The following MID1IP1 variants were observed in gnomAD, a reference collection of about 807,000 sequenced individuals.
MID1IP1 encodes mid1-interacting protein 1.
In MID1IP1, 3 loss-of-function variants were observed where a neutral mutation model predicts 6.8. The observed-to-expected ratio is 0.44, with a 90% CI of 0.20 to 1.14. The LOEUF is 1.14. Among genes scored for constraint, MID1IP1 ranks in the 50% most tolerant of loss-of-function variants. The probability of loss-of-function intolerance (pLI) is 0.26; values close to 1 mark genes in which losing one functional copy is unlikely to be tolerated. For missense variants in MID1IP1, 127 were observed against 158.4 expected (o/e 0.80, Z 1.06); for synonymous variants, 87 against 70.4 (o/e 1.24, Z -1.18).
In MID1IP1 at chrX:38,806,242, C is replaced by T. The variant is rs1247285659; in HGVS notation, c.*744C>T. ...TAAGCTGGCATTTCGCCAGCTTGTA[C>T]GTAGCTTGCCACTCAGTGAAAATAA... On this transcript the variant is annotated 3_prime_UTR_variant, in exon 3 of 3. Transcript: ENST00000614558. 2.9e-5 allele frequency: 3 copies of T among 102,423 alleles called. No individual in the cohort carries two copies. The highest frequency in any genetic ancestry group is 6.3e-5 in the Non-Finnish European group (3 of 47,710). The allele number at this position is 102,423 out of a possible 1,213,427, so 8.4% of individuals were successfully genotyped here.
rs769803999 is a variant in MID1IP1, at chrX:38,805,304, G to T, written c.358G>T (p.Ala120Ser). ...PPPAGSEEGS[A>S]WKSKDILVDL... ...ACCGGCTGGGAGCGAGGAGGGCAGT[G>T]CCTGGAAGTCCAAGGACATCCTGGT... is the stretch of plus-strand genomic sequence containing the variant. Residue 120 changes from alanine (A) to serine (S), a missense_variant, in exon 3 of 3, where the codon GCC becomes TCC. Coordinates refer to ENST00000614558, the MANE Select transcript of MID1IP1 (RefSeq NM_021242.6). 16 of 1,203,677 alleles carry T rather than the reference G, an allele frequency of 1.3e-5. No homozygotes were observed. The highest frequency in any genetic ancestry group is 1.8e-5 in the Non-Finnish European group (16 of 892,221).
rs768586680 is a variant in MID1IP1 at position 38,806,385 on chromosome X, CT to C, written c.*894del. ...TTGTATGTCTTAAATTTATTTAAAA[CT>C]TTTTTTAATCCAGATGTAGACTATA... On this transcript the variant is annotated 3_prime_UTR_variant, in exon 3 of 3. Coordinates refer to ENST00000614558, the MANE Select transcript of MID1IP1 (RefSeq NM_021242.6). 8.0e-6 allele frequency: 1 copy of C among 124,766 alleles called. No homozygotes were observed. The allele number at this position is 124,766 out of a possible 1,213,427, so 10.3% of individuals were successfully genotyped here.
chrX:38,805,413 C>T lies in MID1IP1; in HGVS notation c.467C>T (p.Thr156Ile), dbSNP rs1159413332. The T allele has an allele frequency of 1.6e-5, 19 of 1,206,238 alleles. No individual in the cohort carries two copies. Among genetic ancestry groups the T allele is most frequent in the Non-Finnish European group, 2.1e-5 (19 of 894,410 alleles). The change falls in exon 3 of 3, where the codon ACT (threonine) becomes ATT (isoleucine). Residue 156 changes from threonine to isoleucine, a missense_variant. By Grantham distance (89) the Thr-to-Ile change is moderately conservative. Coordinates refer to ENST00000614558, the MANE Select transcript of MID1IP1 (RefSeq NM_021242.6). ...QFHYHLRGLHTVLSKLTRKAN... is the reference protein window; with the variant it reads ...QFHYHLRGLHIVLSKLTRKAN... ...CACTACCACCTGCGCGGGCTGCACACTGTGCTCTCGAAACTCACGCGCAAA... is the reference window on the plus strand; with the variant it reads ...CACTACCACCTGCGCGGGCTGCACATTGTGCTCTCGAAACTCACGCGCAAA...
Position 38,805,610 on chromosome X carries a change from A to ACTGGGGGG in MID1IP1, c.*116_*123dup. On this transcript the variant is annotated 3_prime_UTR_variant, in exon 3 of 3. Coordinates refer to ENST00000614558, the MANE Select transcript of MID1IP1 (RefSeq NM_021242.6). Reference sequence around the variant, plus strand: ...GGGGGGCGGGAAGGGCAGACTGCAAACTGGGGGGCTGCGTACGTGCAGGAG... The same window carrying ACTGGGGGG: ...GGGGGGCGGGAAGGGCAGACTGCAAACTGGGGGGCTGGGGGGCTGCGTACGTGCAGGAG... 1 of 563,537 alleles carries ACTGGGGGG rather than the reference A, an allele frequency of 1.8e-6. No individual in the cohort carries two copies. The highest frequency in any genetic ancestry group is 2.6e-6 in the Non-Finnish European group (1 of 382,031). 46.4% of individuals were successfully genotyped at this position (563,537 alleles called of 1,213,427 possible). A position where few individuals can be genotyped will look rare whatever the true frequency, so the allele number is the denominator to read the frequency against.
In MID1IP1 at chrX:38,805,125, G is replaced by A; in HGVS notation, c.179G>A (p.Gly60Asp). The A allele has an allele frequency of 8.3e-7, 1 of 1,208,459 alleles. No homozygotes were observed. The highest frequency in any genetic ancestry group is 1.7e-5 in the African/African-American group (1 of 57,810). The change falls in exon 3 of 3, where the codon GGC becomes GAC. Residue 60 changes from glycine (G) to aspartate (D), a missense_variant. By Grantham distance (94) the Gly-to-Asp change is moderately conservative. Coordinates refer to ENST00000614558, the MANE Select transcript of MID1IP1 (RefSeq NM_021242.6). ...NDVGVEVGGSGGCLEERTPPV... is the reference protein window; with the variant it reads ...NDVGVEVGGSDGCLEERTPPV... ...GTTGGCGTGGAGGTAGGCGGCAGTG[G>A]CGGCTGCCTGGAGGAGCGCACGCCC...
chrX:38,805,469 G>A lies in MID1IP1; in HGVS notation c.523G>A (p.Glu175Lys), dbSNP rs749537423. Residue 175 changes from glutamate (E) to lysine (K), a missense_variant, in exon 3 of 3, where the codon GAG becomes AAG. Glu to Lys is a moderately conservative substitution (Grantham distance 56). Coordinates refer to ENST00000614558, the MANE Select transcript of MID1IP1 (RefSeq NM_021242.6). ...ANILTNRYKQ[E>K]IGFGNWGH ...CATCCTCACTAACAGATACAAGCAG[G>A]AGATCGGCTTCGGCAATTGGGGCCA... The A allele has an allele frequency of 8.3e-7, 1 of 1,209,813 alleles. No homozygotes were observed. Among genetic ancestry groups the A allele is most frequent in the Non-Finnish European group, 1.1e-6 (1 of 895,195 alleles).
chrX:38,801,619 G>C (rs1003502471), intron 1 of MID1IP1, 132 bp downstream of exon 1: 5 of 111,251 alleles, frequency 4.5e-5, no homozygotes, highest in Non-Finnish European at 9.4e-5. Flanking sequence ...AAGAAACTGG[G>C]GGATGAAGGG....
At position 38,805,731 on chromosome X, in the gene MID1IP1, C is replaced by G. The variant is rs770437312; in HGVS notation, c.*233C>G. On this transcript the variant is annotated 3_prime_UTR_variant, in exon 3 of 3. Transcript: ENST00000614558. ...GCCCAAGGAACCTCCTGGGAGGGGG[C>G]CTGCATTCTATGTTGGTGGGAATGG... 4.5e-6 allele frequency: 2 copies of G among 442,754 alleles called. No homozygotes were observed. The highest frequency in any genetic ancestry group is 7.7e-5 in the East Asian group (2 of 25,941). The allele number at this position is 442,754 out of a possible 1,213,427, so 36.5% of individuals were successfully genotyped here. A position where few individuals can be genotyped will look rare whatever the true frequency, so the allele number is the denominator to read the frequency against.
At position 38,805,562 on chromosome X, in the gene MID1IP1, A is replaced by G; in HGVS notation, c.*64A>G. 1 of 978,638 alleles carries G rather than the reference A, an allele frequency of 1.0e-6. No homozygotes were observed. The highest frequency in any genetic ancestry group is 3.5e-5 in the East Asian group (1 of 28,970). 80.7% of individuals were successfully genotyped at this position (978,638 alleles called of 1,213,427 possible). On this transcript the variant is annotated 3_prime_UTR_variant, in exon 3 of 3. Transcript: ENST00000614558. Reference sequence around the variant, plus strand: ...CATCTCACCCTCTCTCATTCCTCAAAGCTTTTTTTTTTTTTCCTGGCTGGG... The same window carrying G: ...CATCTCACCCTCTCTCATTCCTCAAGGCTTTTTTTTTTTTTCCTGGCTGGG...
Position 38,805,962 on chromosome X carries a change from G to A in MID1IP1, c.*464G>A. The A allele has an allele frequency of 7.0e-6, 1 of 142,517 alleles. No individual in the cohort carries two copies. The allele number at this position is 142,517 out of a possible 1,213,427, so 11.7% of individuals were successfully genotyped here. On this transcript the variant is annotated 3_prime_UTR_variant, in exon 3 of 3. Coordinates refer to ENST00000614558, the MANE Select transcript of MID1IP1 (RefSeq NM_021242.6). ...CGGTTGGGCCGGTGGAGGCCCAGGC[G>A]TTGCTAGGATTGCATCAGTTTTCCT...
chrX:38,801,886 C>T (rs55963750), intron 1 of MID1IP1: 7,065 of 111,950 alleles, frequency 0.063, 258 homozygotes, highest in East Asian at 0.15. Flanking sequence ...ACTTAAAATA[C>T]CAAATGGGTC....
chrX:38,803,678 A>C lies in MID1IP1; in HGVS notation c.-1000A>C, dbSNP rs183757399. The C allele has an allele frequency of 0.027, 3,040 of 112,921 alleles. 41 individuals are homozygous for C. The highest frequency in any genetic ancestry group is 0.076 in the South Asian group (213 of 2,785). The allele number at this position is 112,921 out of a possible 1,213,427, so 9.3% of individuals were successfully genotyped here. A position where few individuals can be genotyped will look rare whatever the true frequency, so the allele number is the denominator to read the frequency against. ...GCGGGAGCACCGCGCGTCCACGTGC[A>C]CCCAGCATGCCCGGTCACCCTTTAT... On this transcript the variant is annotated 5_prime_UTR_variant, in exon 2 of 3. Coordinates refer to ENST00000614558, the MANE Select transcript of MID1IP1 (RefSeq NM_021242.6).
rs2070469467 is a variant in MID1IP1 at position 38,802,837 on chromosome X, C to T, written c.-1841C>T. On this transcript the variant is annotated 5_prime_UTR_variant, in exon 2 of 3. Transcript: ENST00000614558. ...CGATCTCGGCTCACTGCAACTCCGC[C>T]TCCTGGGTTCAAGCAATTCTCCTGC... 1 of 111,116 alleles carries T rather than the reference C, an allele frequency of 9.0e-6. No individual in the cohort carries two copies. The highest frequency in any genetic ancestry group is 3.8e-4 in the South Asian group (1 of 2,625). 9.2% of individuals were successfully genotyped at this position (111,116 alleles called of 1,213,427 possible).
Position 38,804,821 on chromosome X carries a change from C to G in MID1IP1, c.-126C>G, listed in dbSNP as rs2070497468. 4.2e-6 allele frequency: 3 copies of G among 708,335 alleles called. No homozygotes were observed. The African/African-American group carries it at 6.5e-5, about 15-fold the overall frequency. 58.4% of individuals were successfully genotyped at this position (708,335 alleles called of 1,213,427 possible). A position where few individuals can be genotyped will look rare whatever the true frequency, so the allele number is the denominator to read the frequency against. On this transcript the variant is annotated 5_prime_UTR_variant, in exon 3 of 3. Coordinates refer to ENST00000614558, the MANE Select transcript of MID1IP1 (RefSeq NM_021242.6). The stretch of plus-strand genomic sequence containing the variant: ...GGGCGGAGGAGTGCCGGGAATCCCG[C>G]CACACCGGCTATAGCCAGGCCCCCA...
At position 38,804,712 on chromosome X, in the gene MID1IP1, G is replaced by A; in HGVS notation, c.-235G>A. The A allele has an allele frequency of 2.5e-6, 1 of 398,597 alleles. No homozygotes were observed. Among genetic ancestry groups the A allele is most frequent in the Non-Finnish European group, 4.4e-6 (1 of 229,193 alleles). 32.8% of individuals were successfully genotyped at this position (398,597 alleles called of 1,213,427 possible). On this transcript the variant is annotated 5_prime_UTR_variant, in exon 3 of 3. Coordinates refer to ENST00000614558, the MANE Select transcript of MID1IP1 (RefSeq NM_021242.6). Reference sequence around the variant, plus strand: ...GGGCTCGACCCACAGAGCACCCTCAGCCATCGCGAGTTTCCGGGCGCCAAA... The same window carrying A: ...GGGCTCGACCCACAGAGCACCCTCAACCATCGCGAGTTTCCGGGCGCCAAA...
Position 38,803,060 on chromosome X carries a change from TA to T in MID1IP1, c.-1614del, listed in dbSNP as rs1254907288. On this transcript the variant is annotated 5_prime_UTR_variant, in exon 2 of 3. In the 5' UTR this introduces an upstream ATG that the reference lacks. Coordinates refer to ENST00000614558, the MANE Select transcript of MID1IP1 (RefSeq NM_021242.6). The stretch of plus-strand genomic sequence containing the variant: ...CCGTTTCAGGCCGAGAAAAGGGATT[TA>T]AAATGAGAAGCTTGAATCTTATTGA... The T allele has an allele frequency of 1.8e-5, 2 of 112,450 alleles. No homozygotes were observed. The highest frequency in any genetic ancestry group is 3.2e-5 in the African/African-American group (1 of 30,857). 9.3% of individuals were successfully genotyped at this position (112,450 alleles called of 1,213,427 possible).
In MID1IP1 at chrX:38,805,111, G is replaced by C. The variant is rs752953546; in HGVS notation, c.165G>C (p.Glu55Asp). The C allele has an allele frequency of 8.3e-7, 1 of 1,211,030 alleles. No individual in the cohort carries two copies. Among genetic ancestry groups the C allele is most frequent in the Admixed American group, 2.2e-5 (1 of 46,011 alleles). The change falls in exon 3 of 3, where the codon GAG (glutamate) becomes GAC (aspartate). Residue 55 changes from glutamate (E) to aspartate (D), a missense_variant. Transcript: ENST00000614558. ...DPGLDNDVGV[E>D]VGGSGGCLEE... ...GGTTAGACAACGATGTTGGCGTGGA[G>C]GTAGGCGGCAGTGGCGGCTGCCTGG...
rs1004201441 is a variant in MID1IP1 at position 38,805,617 on chromosome X, G to A, written c.*119G>A. ...GGGAAGGGCAGACTGCAAACTGGGG[G>A]GCTGCGTACGTGCAGGAGGCGCGGT... On this transcript the variant is annotated 3_prime_UTR_variant, in exon 3 of 3. Transcript: ENST00000614558. 1.0e-5 allele frequency: 7 copies of A among 674,581 alleles called. No homozygotes were observed. The highest frequency in any genetic ancestry group is 2.3e-5 in the African/African-American group (1 of 43,473). The allele number at this position is 674,581 out of a possible 1,213,427, so 55.6% of individuals were successfully genotyped here. A position where few individuals can be genotyped will look rare whatever the true frequency, so the allele number is the denominator to read the frequency against.
rs1259774511 is a variant in MID1IP1, at chrX:38,803,959, G to C, written c.-719G>C. The C allele has an allele frequency of 8.8e-6, 1 of 113,478 alleles. No homozygotes were observed. Among genetic ancestry groups the C allele is most frequent in the Non-Finnish European group, 1.9e-5 (1 of 53,614 alleles). The allele number at this position is 113,478 out of a possible 1,213,427, so 9.4% of individuals were successfully genotyped here. On this transcript the variant is annotated 5_prime_UTR_variant, in exon 2 of 3. Coordinates refer to ENST00000614558, the MANE Select transcript of MID1IP1 (RefSeq NM_021242.6). ...CGCCTTTTTGACCCTCGCTGTGCCCGGCCCTCCTCATCTGGCCTGCCCAGG... is the reference window on the plus strand; with the variant it reads ...CGCCTTTTTGACCCTCGCTGTGCCCCGCCCTCCTCATCTGGCCTGCCCAGG...
Sources: allele counts gnomAD v4.1 joint callset, GRCh38; gene constraint gnomAD v4.1.1; transcripts MANE v1.5; gene names NCBI Gene and HGNC (gene_info 2026-07-23, HGNC 2026-07-21).